KIF2C: variants seen among roughly 807,000 people sequenced by gnomAD.
KIF2C encodes kinesin-like protein KIF2C.
Under a neutral mutation model 97.4 loss-of-function variants are expected in KIF2C, and 34 were observed. The observed-to-expected ratio is 0.35, with a 90% CI of 0.27 to 0.46. The LOEUF is 0.46. KIF2C is among the 20% of genes least tolerant of loss of function. KIF2C has a pLI of 1.00. For synonymous variants in KIF2C, 313 were observed against 318.2 expected (o/e 0.98, Z 0.17); for missense variants, 750 against 907.6 (o/e 0.83, Z 2.23).
intron 16 of KIF2C, 63 bp from the exon 17 acceptor site, chr1:44,761,853 G>C: frequency 6.7e-7 from 1 of 1,497,392 alleles, no homozygotes; most frequent in Non-Finnish European, 9.3e-7. Context: ...GCCCCTCAGG[G>C]ACAGGCTATA....
chr1:44,752,133 AT>A (rs1176639607), intron 5 of KIF2C, among the ~76,000 whole-genome samples: 1,354 of 81,460 alleles, frequency 0.017, 8 homozygotes, highest in African/African-American at 0.06. Flanking sequence ...ATTAAATTGA[AT>A]TTTTTTTTTT....
At chr1:44,749,591 A>G (rs1649398444) in intron 4 of KIF2C, among the ~76,000 whole-genome samples, 1 of 152,158 alleles carries the variant, frequency 6.6e-6, no homozygotes. Context: ...GTCTTATTAT[A>G]AAAATAAAAA....
intron 5 of KIF2C, among the ~76,000 whole-genome samples, chr1:44,751,634 G>A (rs563385592): frequency 1.3e-5 from 2 of 149,502 alleles, no homozygotes; most frequent in East Asian, 2.0e-4. Flanking sequence ...TCAGCCTCCC[G>A]AGTAGGTGAG....
intron 3 of KIF2C, 33 bp from the exon 4 acceptor site, chr1:44,747,619 C>A (rs1306362297): frequency 6.2e-7 from 1 of 1,609,624 alleles, no homozygotes; most frequent in Non-Finnish European, 8.5e-7. Flanking sequence ...TTGATAAGAG[C>A]CATATATTGT....
Position 44,757,888 on chromosome 1 carries a change from T to C in KIF2C, c.1069-20T>C. The C allele has an allele frequency of 6.2e-7, 1 of 1,613,264 alleles. No homozygotes were observed. The highest frequency in any genetic ancestry group is 8.5e-7 in the Non-Finnish European group (1 of 1,179,480). On this transcript the variant is annotated intron_variant, in intron 11 of 20. Coordinates refer to ENST00000372224, the MANE Select transcript of KIF2C (RefSeq NM_006845.4). ...GGCCAACAGCCCTTTTCCATGGTCTTCTACCCCTTCCCTTTGCAGACTATG... is the reference window on the plus strand; with the variant it reads ...GGCCAACAGCCCTTTTCCATGGTCTCCTACCCCTTCCCTTTGCAGACTATG...
intron 2 of KIF2C, 112 bp from the exon 3 acceptor site, chr1:44,747,272 C>T: frequency 1.2e-6 from 1 of 829,770 alleles, no homozygotes; most frequent in Non-Finnish European, 1.9e-6. Context: ...CGCACCACTG[C>T]CCTCCAGCCT....
chr1:44,746,843 G>C, intron 2 of KIF2C: 1 of 1,303,958 alleles, frequency 7.7e-7, no homozygotes, highest in Non-Finnish European at 1.1e-6. Context: ...TTGAATTTAG[G>C]GGTACCCCTG....
At chr1:44,753,278 G>A (rs752492078) in intron 6 of KIF2C, 24 bp downstream of exon 6, 6 of 1,598,506 alleles carry the variant, frequency 3.8e-6, no homozygotes, top group Non-Finnish European at 5.1e-6. Context: ...GCTGTCTGCT[G>A]TTCTGCTTCT....
At chr1:44,766,453 A>C (rs982164715) in intron 19 of KIF2C, among the ~76,000 whole-genome samples, 1 of 151,850 alleles carries the variant, frequency 6.6e-6, no homozygotes, top group African/African-American at 2.4e-5. Context: ...CTCTACTAAA[A>C]ATACAAAATT....
At chr1:44,742,861 C>T (rs981700250) in intron 2 of KIF2C, among the ~76,000 whole-genome samples, 9 of 152,044 alleles carry the variant, frequency 5.9e-5, no homozygotes, top group Admixed American at 3.9e-4. Flanking sequence ...GACAAAAAGA[C>T]GTTTCTGAAT....
chr1:44,750,526 C>T lies in KIF2C; in HGVS notation c.401C>T (p.Pro134Leu). Residue 134 changes from proline to leucine, a missense_variant, in exon 5 of 21, where the codon CCT (proline) becomes CTT (leucine). Transcript: ENST00000372224. ...GAGAATGACATGGAGGTGGAGCTGC[C>T]TGCAGCTGCAAACTCCCGCAAGCAG... is the stretch of plus-strand genomic sequence containing the variant. ...AQENDMEVEL[P>L]AAANSRKQFS... 6.3e-7 allele frequency: 1 copy of T among 1,585,424 alleles called. No homozygotes were observed. Among genetic ancestry groups the T allele is most frequent in the Non-Finnish European group, 8.6e-7 (1 of 1,162,996 alleles).
In KIF2C at chr1:44,751,384, T is replaced by TG. The variant is rs1199242959; in HGVS notation, c.439+824dup. ...CTAATTTTTGTATTTTTAGTAGGGG[T>TG]GGGGTATCGCCATGTTGGCCAGGCT... On this transcript the variant is annotated intron_variant, in intron 5 of 20. Coordinates refer to ENST00000372224, the MANE Select transcript of KIF2C (RefSeq NM_006845.4). 4.0e-5 allele frequency among the ~76,000 whole-genome samples: 6 copies of TG among 151,398 alleles called. No individual in the cohort carries two copies. The East Asian group carries it at 1.2e-3, about 29-fold the overall frequency.
intron 4 of KIF2C, among the ~76,000 whole-genome samples, chr1:44,750,108 A>G (rs1649428706): frequency 6.6e-6 from 1 of 151,588 alleles, no homozygotes; most frequent in African/African-American, 2.4e-5. Flanking sequence ...AAGATTCATA[A>G]TACTTTTTCT....
Position 44,744,308 on chromosome 1 carries a change from A to G in KIF2C, c.166-3076A>G, listed in dbSNP as rs1035229283. Among the ~76,000 whole-genome samples, 4 of 152,252 alleles carry G rather than the reference A, an allele frequency of 2.6e-5. No individual in the cohort carries two copies. In the South Asian group the frequency reaches 8.3e-4, roughly 31 times the overall value. On this transcript the variant is annotated intron_variant, in intron 2 of 20. Transcript: ENST00000372224. The stretch of plus-strand genomic sequence containing the variant: ...TTTTTAGTAGAGACAGGGTTTCCCC[A>G]TGTTGACCAGGCTGGTCTCAAACTC...
intron 13 of KIF2C, 138 bp downstream of exon 13, chr1:44,758,278 T>C: frequency 1.4e-6 from 1 of 707,616 alleles, no homozygotes. Flanking sequence ...TGCCCTGGCA[T>C]ACACATGTAG....
intron 17 of KIF2C, 172 bp from the exon 18 acceptor site, chr1:44,762,174 G>T: frequency 1.2e-6 from 1 of 844,740 alleles, no homozygotes; most frequent in South Asian, 1.4e-5. Flanking sequence ...TGGAGAGTCA[G>T]CTGGGTGAGG....
intron 1 of KIF2C, among the ~76,000 whole-genome samples, chr1:44,740,511 C>T (rs965428321): frequency 2.0e-5 from 3 of 152,016 alleles, no homozygotes; most frequent in South Asian, 2.1e-4. Context: ...CAGATATGAC[C>T]GCCAGAAATG....
chr1:44,759,989 T>C (rs1436362700), intron 14 of KIF2C, among the ~76,000 whole-genome samples: 1 of 152,168 alleles, frequency 6.6e-6, no homozygotes, highest in Non-Finnish European at 1.5e-5. Context: ...CCCCTTCCCT[T>C]TGGGCCCTTT....
chr1:44,742,967 C>T (rs1269554920), intron 2 of KIF2C, among the ~76,000 whole-genome samples: 2 of 152,170 alleles, frequency 1.3e-5, no homozygotes, highest in African/African-American at 4.8e-5. Context: ...TGAGAATGGG[C>T]TGGGCTTAGA....
Sources: allele counts gnomAD v4.1 joint callset (sites outside exome capture counted in the v4.1 genomes callset), GRCh38; gene constraint gnomAD v4.1.1; transcripts MANE v1.5; gene names NCBI Gene and HGNC (gene_info 2026-07-23, HGNC 2026-07-21).